Variants in TRPC5 observed in about 807,000 individuals in gnomAD.
The protein encoded by TRPC5 is transient receptor potential cation channel subfamily C member 5, also known as short transient receptor potential channel 5.
In TRPC5, 9 loss-of-function variants were observed where a neutral mutation model predicts 56.5. That is an observed-to-expected ratio of 0.16 (90% confidence interval 0.10 to 0.28). The LOEUF (loss-of-function observed/expected upper bound fraction) is 0.28. Ranked by LOEUF, TRPC5 falls within the 10% of genes least tolerant of loss-of-function variation. TRPC5 has a pLI of 1.00. For synonymous variants in TRPC5, 282 were observed against 278.5 expected (o/e 1.01, Z -0.13); for missense variants, 469 against 748.9 (o/e 0.63, Z 4.36).
intron 3 of TRPC5, among the ~76,000 whole-genome samples, chrX:111,875,814 T>C (rs1923920217): frequency 1.8e-5 from 2 of 109,627 alleles, no homozygotes; most frequent in Admixed American, 2.0e-4. Flanking sequence ...TCCTTTAGGG[T>C]AGCAACCATG....
At chrX:112,020,720 G>A (rs974851836) in intron 1 of TRPC5, among the ~76,000 whole-genome samples, 3 of 111,663 alleles carry the variant, frequency 2.7e-5, no homozygotes, top group Admixed American at 1.9e-4. Context: ...TGAATTTAAA[G>A]GTATGGCTGC....
At chrX:111,815,841 G>C (rs1056615655) in intron 7 of TRPC5, among the ~76,000 whole-genome samples, 2 of 111,094 alleles carry the variant, frequency 1.8e-5, no homozygotes, top group Non-Finnish European at 3.8e-5. Context: ...TCTCTCTGTT[G>C]ACAAGACACA....
chrX:111,868,611 GA>G (rs1381215115), intron 3 of TRPC5, among the ~76,000 whole-genome samples: 3 of 112,194 alleles, frequency 2.7e-5, no homozygotes, highest in African/African-American at 9.7e-5. Context: ...TTTCCTAAAA[GA>G]AATCAGCTGA....
At chrX:112,072,994 T>C (rs1480179962) in intron 1 of TRPC5, among the ~76,000 whole-genome samples, 2 of 112,163 alleles carry the variant, frequency 1.8e-5, no homozygotes, top group Non-Finnish European at 3.8e-5. Context: ...AACTGATAAT[T>C]TATATTTTAA....
intron 3 of TRPC5, among the ~76,000 whole-genome samples, chrX:111,879,860 CTCTTATCCAT>C (rs1924122697): frequency 8.9e-6 from 1 of 112,133 alleles, no homozygotes; most frequent in Admixed American, 9.4e-5. Flanking sequence ...AAGCCTGTGG[CTCTTATCCAT>C]TGTGCTAGTG....
At chrX:112,027,901 A>G (rs1330413125) in intron 1 of TRPC5, among the ~76,000 whole-genome samples, 1 of 112,230 alleles carries the variant, frequency 8.9e-6, no homozygotes, top group African/African-American at 3.2e-5. Flanking sequence ...ATATTTGCAT[A>G]CTTTACTTAT....
intron 7 of TRPC5, among the ~76,000 whole-genome samples, chrX:111,807,956 C>CTGTGTGTGTGTG (rs60688414): frequency 1.5e-3 from 141 of 91,925 alleles, no homozygotes; most frequent in African/African-American, 6.6e-3. Flanking sequence ...CTCTCTCTCT[C>CTGTGTGTGTGTG]TGTGTGTGTG....
At chrX:112,054,649 G>C (rs1347089390) in intron 1 of TRPC5, among the ~76,000 whole-genome samples, 1 of 111,026 alleles carries the variant, frequency 9.0e-6, no homozygotes, top group Non-Finnish European at 1.9e-5. Context: ...ACATGTGAGA[G>C]AGGTGAAGAC....
intron 3 of TRPC5, chrX:111,903,857 C>T (rs1925483327): frequency 8.9e-6 from 1 of 112,016 alleles, no homozygotes; most frequent in African/African-American, 3.2e-5. Context: ...TATATAAATT[C>T]TTATGTGTGA....
rs760735525 is a variant in TRPC5, at chrX:111,951,937, T to C, written c.378+106A>G. The C allele has an allele frequency of 1.6e-5, 17 of 1,080,067 alleles. No homozygotes were observed. In the African/African-American group the frequency reaches 2.2e-4, roughly 14 times the overall value. 89.0% of individuals were successfully genotyped at this position (1,080,067 alleles called of 1,213,427 possible). A position where few individuals can be genotyped will look rare whatever the true frequency, so the allele number is the denominator to read the frequency against. ...GAGATCACTGGTGCAATTTCTGAGA[T>C]AGGGCATCTCAATTCCAGACCACCT... is the stretch of plus-strand genomic sequence containing the variant. On this transcript the variant is annotated intron_variant, in intron 2 of 10. Coordinates refer to ENST00000262839, the MANE Select transcript of TRPC5 (RefSeq NM_012471.3).
intron 1 of TRPC5, among the ~76,000 whole-genome samples, chrX:112,048,506 A>G (rs954535610): frequency 5.4e-5 from 6 of 110,308 alleles, no homozygotes; most frequent in African/African-American, 2.0e-4. Context: ...AAGATCCCTC[A>G]TGGACCCTGA....
At chrX:111,779,352 T>A (rs1362027519) in intron 9 of TRPC5, among the ~76,000 whole-genome samples, 3 of 112,167 alleles carry the variant, frequency 2.7e-5, no homozygotes, top group African/African-American at 9.7e-5. Flanking sequence ...TGCATGGTCA[T>A]ATAGTTAATA....
intron 1 of TRPC5, among the ~76,000 whole-genome samples, chrX:112,055,396 C>CT (rs901384243): frequency 6.4e-5 from 7 of 109,779 alleles, no homozygotes; most frequent in African/African-American, 2.0e-4. Context: ...TGTGAGGTAT[C>CT]TTTTTTTTTG....
At chrX:111,850,268 T>C (rs183039056) in intron 5 of TRPC5, among the ~76,000 whole-genome samples, 31 of 111,846 alleles carry the variant, frequency 2.8e-4, no homozygotes, top group African/African-American at 9.4e-4. Context: ...CTTATATATA[T>C]TTGTTCCTTT....
intron 7 of TRPC5, among the ~76,000 whole-genome samples, chrX:111,786,004 C>G (rs1945960290): frequency 9.0e-6 from 1 of 111,730 alleles, no homozygotes; most frequent in South Asian, 3.7e-4. Flanking sequence ...GGATATTATC[C>G]AGGAGAACTT....
chrX:112,065,113 C>G (rs906884268), intron 1 of TRPC5, among the ~76,000 whole-genome samples: 1 of 109,472 alleles, frequency 9.1e-6, no homozygotes, highest in African/African-American at 3.3e-5. Context: ...TATTTTCATT[C>G]ACACATTCAC....
chrX:112,078,604 A>G (rs1930891842), intron 1 of TRPC5, among the ~76,000 whole-genome samples: 1 of 111,932 alleles, frequency 8.9e-6, no homozygotes, highest in Non-Finnish European at 1.9e-5. Flanking sequence ...GGGCAATTGC[A>G]TTGGCCACCA....
intron 1 of TRPC5, among the ~76,000 whole-genome samples, chrX:112,020,581 C>T (rs1363169159): frequency 8.9e-6 from 1 of 111,895 alleles, no homozygotes; most frequent in East Asian, 2.8e-4. Context: ...CCAGTGTTGA[C>T]AGTACATTAT....
At chrX:112,024,324 G>A (rs1162702836) in intron 1 of TRPC5, among the ~76,000 whole-genome samples, 1 of 111,517 alleles carries the variant, frequency 9.0e-6, no homozygotes, top group Non-Finnish European at 1.9e-5. Context: ...AATGAGGATG[G>A]CCCTCATGCA....
Sources: allele counts gnomAD v4.1 joint callset (sites outside exome capture counted in the v4.1 genomes callset), GRCh38; gene constraint gnomAD v4.1.1; transcripts MANE v1.5; gene names NCBI Gene and HGNC (gene_info 2026-07-23, HGNC 2026-07-21).